Variants in KIAA1549L observed in about 807,000 individuals in gnomAD.
The protein encoded by KIAA1549L is UPF0606 protein KIAA1549L.
A neutral mutation model predicts 160.7 loss-of-function variants in KIAA1549L; 88 were observed. The observed-to-expected ratio is 0.55, with a 90% CI of 0.46 to 0.65. The LOEUF is 0.65. Ranked by LOEUF, KIAA1549L falls within the 30% of genes least tolerant of loss-of-function variation. The pLI is 0.00. For synonymous variants in KIAA1549L, 950 were observed against 976.7 expected (o/e 0.97, Z 0.51); for missense variants, 2,258 against 2,437.5 (o/e 0.93, Z 1.55).
At chr11:33,581,981 A>G (rs1176654297) in intron 10 of KIAA1549L, among the ~76,000 whole-genome samples, 2 of 152,196 alleles carry the variant, frequency 1.3e-5, no homozygotes, top group South Asian at 2.1e-4. Flanking sequence ...ACACTGATAT[A>G]CTGTACATTT....
At chr11:33,564,549 C>T (rs1276518072) in intron 8 of KIAA1549L, among the ~76,000 whole-genome samples, 4 of 152,212 alleles carry the variant, frequency 2.6e-5, no homozygotes, top group African/African-American at 9.7e-5. Flanking sequence ...CTCAGGGGTC[C>T]TGCAGTGAAG....
At chr11:33,559,560 C>G (rs1481595523) in intron 6 of KIAA1549L, among the ~76,000 whole-genome samples, 189 bp from the exon 7 acceptor site, 4 of 152,148 alleles carry the variant, frequency 2.6e-5, no homozygotes, top group African/African-American at 9.7e-5. Flanking sequence ...GCCCTTAGCA[C>G]CCTGCCTGGC....
intron 1 of KIAA1549L, among the ~76,000 whole-genome samples, chr11:33,517,155 C>A (rs1245482603): frequency 6.6e-6 from 1 of 152,208 alleles, no homozygotes; most frequent in African/African-American, 2.4e-5. Context: ...ATGTCTCTCC[C>A]TTTCCGCCTT....
At chr11:33,430,120 G>A (rs1270034910) in intron 1 of KIAA1549L, among the ~76,000 whole-genome samples, 2 of 122,980 alleles carry the variant, frequency 1.6e-5, no homozygotes, top group Admixed American at 9.1e-5. Flanking sequence ...AGGATTTTAA[G>A]TTTGTTATGA....
At chr11:33,495,496 T>G (rs1852796253) in intron 1 of KIAA1549L, among the ~76,000 whole-genome samples, 1 of 152,144 alleles carries the variant, frequency 6.6e-6, no homozygotes, top group South Asian at 2.1e-4. Flanking sequence ...ATGGCGTATA[T>G]GTGCCACATT....
At chr11:33,620,587 A>G (rs1226837419) in intron 16 of KIAA1549L, among the ~76,000 whole-genome samples, 1 of 152,196 alleles carries the variant, frequency 6.6e-6, no homozygotes, top group African/African-American at 2.4e-5. Context: ...TTACCAGCCA[A>G]GTAGATGCTT....
chr11:33,465,878 A>C (rs1852046843), intron 1 of KIAA1549L, among the ~76,000 whole-genome samples: 1 of 152,216 alleles, frequency 6.6e-6, no homozygotes, highest in African/African-American at 2.4e-5. Context: ...TAAGACCTAA[A>C]ACCATAAAAA....
chr11:33,416,278 A>G (rs531083957), intron 1 of KIAA1549L, among the ~76,000 whole-genome samples: 3 of 152,170 alleles, frequency 2.0e-5, no homozygotes, highest in Admixed American at 2.0e-4. Flanking sequence ...TTGGTTTCAG[A>G]CCTTCCTCAG....
At position 33,562,354 on chromosome 11, in the gene KIAA1549L, G is replaced by A. The variant is rs569271359; in HGVS notation, c.4078+619G>A. 2.6e-5 allele frequency among the ~76,000 whole-genome samples: 4 copies of A among 152,310 alleles called. No homozygotes were observed. The South Asian group carries it at 8.3e-4, about 32-fold the overall frequency. ...ACAGATGTTTGTAGGAGGAAAAGTGGCCAGCCTAGCCAGGAAGGAGAGGAA... is the reference window on the plus strand; with the variant it reads ...ACAGATGTTTGTAGGAGGAAAAGTGACCAGCCTAGCCAGGAAGGAGAGGAA... On this transcript the variant is annotated intron_variant, in intron 8 of 20. Transcript: ENST00000658780.
At chr11:33,585,514 G>A (rs797012297) in intron 11 of KIAA1549L, among the ~76,000 whole-genome samples, 2 of 151,738 alleles carry the variant, frequency 1.3e-5, no homozygotes, top group Non-Finnish European at 2.9e-5. Context: ...GCAAAACTCC[G>A]TCTCAAAAAA....
chr11:33,435,798 A>ATTTGTGTGTGTGTGTGTG (rs1254104673), intron 1 of KIAA1549L, among the ~76,000 whole-genome samples: 1 of 7,626 alleles, frequency 1.3e-4, no homozygotes, highest in Non-Finnish European at 2.0e-4. Context: ...ATATATATAT[A>ATTTGTGTGTGTGTGTGTG]TATATATATA....
At chr11:33,602,698 C>A (rs573305050) in intron 13 of KIAA1549L, among the ~76,000 whole-genome samples, 2 of 152,372 alleles carry the variant, frequency 1.3e-5, no homozygotes, top group South Asian at 4.1e-4. Flanking sequence ...CTTAAGCATT[C>A]TCCCATGCTT....
At chr11:33,524,452 G>A (rs1257519614) in intron 1 of KIAA1549L, among the ~76,000 whole-genome samples, 2 of 151,722 alleles carry the variant, frequency 1.3e-5, no homozygotes, top group Non-Finnish European at 2.9e-5. Context: ...ACTATTCTTT[G>A]TGTTATAATG....
chr11:33,608,133 G>A (rs1188258567), intron 14 of KIAA1549L, among the ~76,000 whole-genome samples: 2 of 152,132 alleles, frequency 1.3e-5, no homozygotes, highest in African/African-American at 4.8e-5. Context: ...ATGCCTCAGG[G>A]GTTTGAGCCT....
chr11:33,543,095 C>T lies in KIAA1549L; in HGVS notation c.1532C>T (p.Thr511Ile). ...TCCATACTTACTTTCCTCCAGCCCACAGAGAATCATGCCTCCCCATCTCCT... is the reference window on the plus strand; with the variant it reads ...TCCATACTTACTTTCCTCCAGCCCATAGAGAATCATGCCTCCCCATCTCCT... ...FPSILTFLQP[T>I]ENHASPSPVP... Residue 511 changes from threonine (T) to isoleucine (I), a missense_variant, in exon 2 of 21, where the codon ACA (threonine) becomes ATA (isoleucine). Thr to Ile is a moderately conservative substitution (Grantham distance 89). Coordinates refer to ENST00000658780, the MANE Select transcript of KIAA1549L (RefSeq NM_012194.3). 6.2e-7 allele frequency: 1 copy of T among 1,613,966 alleles called. No individual in the cohort carries two copies. The highest frequency in any genetic ancestry group is 8.5e-7 in the Non-Finnish European group (1 of 1,179,900).
intron 1 of KIAA1549L, among the ~76,000 whole-genome samples, chr11:33,429,719 C>T (rs1851192203): frequency 1.3e-5 from 2 of 152,148 alleles, no homozygotes; most frequent in Admixed American, 6.5e-5. Flanking sequence ...ACGTCCCCCT[C>T]CTTCCATTGT....
chr11:33,523,838 G>A (rs1442863329), intron 1 of KIAA1549L, among the ~76,000 whole-genome samples: 1 of 152,162 alleles, frequency 6.6e-6, no homozygotes. Context: ...TTGCACAGAT[G>A]TGATCACAGG....
At chr11:33,489,249 T>C (rs1852600625) in intron 1 of KIAA1549L, among the ~76,000 whole-genome samples, 1 of 152,214 alleles carries the variant, frequency 6.6e-6, no homozygotes, top group African/African-American at 2.4e-5. Flanking sequence ...TGGTAAGGTC[T>C]CGCTCCCCAC....
intron 1 of KIAA1549L, among the ~76,000 whole-genome samples, chr11:33,437,460 G>T (rs1851404056): frequency 6.6e-6 from 1 of 152,182 alleles, no homozygotes; most frequent in South Asian, 2.1e-4. Context: ...CAGAAACTGG[G>T]CATTGAAGCC....
Sources: gnomAD v4.1 joint callset for allele counts (sites outside exome capture counted in the v4.1 genomes callset) on GRCh38, gnomAD v4.1.1 for gene constraint, MANE v1.5 for transcripts, NCBI Gene and HGNC (gene_info 2026-07-23, HGNC 2026-07-21) for gene names.